Variants in CYP20A1 observed in about 807,000 individuals in gnomAD.
The protein encoded by CYP20A1 is cytochrome P450 family 20 subfamily A member 1.
A neutral mutation model predicts 61.4 loss-of-function variants in CYP20A1; 61 were observed. That is an observed-to-expected ratio of 0.99 (90% CI 0.81 to 1.23). The LOEUF (loss-of-function observed/expected upper bound fraction) is 1.23. CYP20A1 is among the 50% of genes most tolerant of loss of function. The probability of loss-of-function intolerance (pLI) is 0.00; values close to 1 mark genes in which losing one functional copy is unlikely to be tolerated. For missense variants in CYP20A1, 530 were observed against 542.4 expected, an observed-to-expected ratio of 0.98 and a Z score of 0.23; for synonymous variants, 193 against 188.2, an observed-to-expected ratio of 1.03 and a Z score of -0.21.
rs1295128489 is a variant in CYP20A1, at chr2:203,289,816, A to G, written c.1023A>G (p.Pro341=). 1.2e-6 allele frequency: 2 copies of G among 1,602,250 alleles called. No individual in the cohort carries two copies. Among genetic ancestry groups the G allele is most frequent in the East Asian group, 4.5e-5 (2 of 44,350 alleles). ...CTGTTCGAACTGCCAAACTGACTCC[A>G]GTTTCTGCCCAGCTTCAAGATATTG... ...CETVRTAKLT[P]VSAQLQDIEG... The change falls in exon 10 of 13, where the codon CCA becomes CCG. Residue 341 remains proline (P), a synonymous_variant. Coordinates refer to ENST00000356079, the MANE Select transcript of CYP20A1 (RefSeq NM_177538.3).
Position 203,299,106 on chromosome 2 carries a change from C to T in CYP20A1, c.*2198C>T, listed in dbSNP as rs1344328639. Among the ~76,000 whole-genome samples the T allele has an allele frequency of 3.3e-5, 5 of 152,178 alleles. No homozygotes were observed. The highest frequency in any genetic ancestry group is 5.9e-5 in the Non-Finnish European group (4 of 68,008). Reference sequence around the variant, plus strand: ...GCACTTATAAATTTTATATATAATACTTTACTGATAGCATTGTATATTAGT... The same window carrying T: ...GCACTTATAAATTTTATATATAATATTTTACTGATAGCATTGTATATTAGT... On this transcript the variant is annotated 3_prime_UTR_variant, in exon 13 of 13. Coordinates refer to ENST00000356079, the MANE Select transcript of CYP20A1 (RefSeq NM_177538.3).
chr2:203,252,024 G>C lies in CYP20A1; in HGVS notation c.347G>C (p.Ser116Thr). The C allele has an allele frequency of 1.9e-6, 3 of 1,611,108 alleles. No homozygotes were observed. The highest frequency in any genetic ancestry group is 3.4e-5 in the Admixed American group (2 of 59,676). Residue 116 changes from serine to threonine, a missense_variant, in exon 4 of 13, where the codon AGT becomes ACT. Transcript: ENST00000356079. Reference sequence around the variant, plus strand: ...TTAAGGTATCAATCTGGTGGTGGCAGTGTGAGTGAAAACCACATGAGGAAA... The same window carrying C: ...TTAAGGTATCAATCTGGTGGTGGCACTGTGAGTGAAAACCACATGAGGAAA... ...SLLRYQSGGG[S>T]VSENHMRKKL...
rs1403628467 is a variant in CYP20A1 at position 203,302,850 on chromosome 2, A to C, written c.*5942A>C. Among the ~76,000 whole-genome samples the C allele has an allele frequency of 6.6e-6, 1 of 151,442 alleles. No homozygotes were observed. The highest frequency in any genetic ancestry group is 1.9e-4 in the East Asian group (1 of 5,158). ...TGGGGTTACAGGCGCGTGCCATCACACCCAGCTCATTTTTGTATTTTTAGT... is the reference window on the plus strand; with the variant it reads ...TGGGGTTACAGGCGCGTGCCATCACCCCCAGCTCATTTTTGTATTTTTAGT... On this transcript the variant is annotated 3_prime_UTR_variant, in exon 13 of 13. Coordinates refer to ENST00000356079, the MANE Select transcript of CYP20A1 (RefSeq NM_177538.3).
At chr2:203,274,204 G>GAGAC (rs2067721145) in intron 6 of CYP20A1, among the ~76,000 whole-genome samples, 1 of 104,310 alleles carries the variant, frequency 9.6e-6, no homozygotes, top group Non-Finnish European at 2.0e-5. Context: ...TTTTTTTTTT[G>GAGAC]AGACAGAGTC....
chr2:203,289,969 T>C (rs2068464673), intron 10 of CYP20A1, 93 bp downstream of exon 10: 1 of 464,924 alleles, frequency 2.2e-6, no homozygotes, highest in African/African-American at 2.0e-5. Flanking sequence ...AGACAGAGGT[T>C]TGCTCTTGTC....
intron 3 of CYP20A1, among the ~76,000 whole-genome samples, chr2:203,250,029 T>G (rs995801571): frequency 3.3e-5 from 5 of 152,232 alleles, no homozygotes; most frequent in African/African-American, 1.2e-4. Context: ...GATGAGGGAA[T>G]GGGAAATCAT....
intron 1 of CYP20A1, among the ~76,000 whole-genome samples, 176 bp downstream of exon 1, chr2:203,239,310 G>C (rs972379835): frequency 3.9e-5 from 6 of 152,204 alleles, no homozygotes; most frequent in African/African-American, 1.4e-4. Context: ...CGCCCCTCCC[G>C]GCAAGCTCTG....
At chr2:203,287,645 G>A (rs1038607804) in intron 9 of CYP20A1, among the ~76,000 whole-genome samples, 1 of 152,152 alleles carries the variant, frequency 6.6e-6, no homozygotes, top group Admixed American at 6.6e-5. Flanking sequence ...GGTTGAGGCT[G>A]CAGCATGATA....
At chr2:203,262,369 T>C (rs1425834918) in intron 4 of CYP20A1, among the ~76,000 whole-genome samples, 1 of 152,164 alleles carries the variant, frequency 6.6e-6, no homozygotes, top group African/African-American at 2.4e-5. Context: ...GCAAGTCTAT[T>C]AACAGCGAGG....
At position 203,285,632 on chromosome 2, in the gene CYP20A1, T is replaced by C. The variant is rs1230424177; in HGVS notation, c.871T>C (p.Phe291Leu). ...TAKLCTWAIC[F>L]LTTSEEVQKK... ...CCTAGTGTGTACCTGGGCAATCTGT[T>C]TTTTAACCACCTCTGAAGAAGTTCA... Residue 291 changes from phenylalanine to leucine, a missense_variant, in exon 9 of 13, where the codon TTT (phenylalanine) becomes CTT (leucine). By Grantham distance (22) the Phe-to-Leu change is conservative. Coordinates refer to ENST00000356079, the MANE Select transcript of CYP20A1 (RefSeq NM_177538.3). 1 of 1,593,062 alleles carries C rather than the reference T, an allele frequency of 6.3e-7. No individual in the cohort carries two copies. The highest frequency in any genetic ancestry group is 8.5e-7 in the Non-Finnish European group (1 of 1,174,952).
chr2:203,274,054 T>C (rs974362993), intron 6 of CYP20A1, among the ~76,000 whole-genome samples: 22 of 152,312 alleles, frequency 1.4e-4, no homozygotes, highest in African/African-American at 4.8e-4. Context: ...CTTTATACAA[T>C]TTACACAGAA....
intron 12 of CYP20A1, 82 bp downstream of exon 12, chr2:203,296,645 T>TA (rs1313061863): frequency 4.3e-6 from 6 of 1,397,950 alleles, no homozygotes; most frequent in Non-Finnish European, 5.8e-6. Context: ...ATGATTAAAG[T>TA]ATTATTTTTT....
Position 203,304,422 on chromosome 2 carries a change from C to T in CYP20A1, c.*7514C>T, listed in dbSNP as rs2069145889. ...CCATGTTAGCCAGGATGGTCTTGATCTCCTGACCTTGTGATCTGTCCACCG... is the reference window on the plus strand; with the variant it reads ...CCATGTTAGCCAGGATGGTCTTGATTTCCTGACCTTGTGATCTGTCCACCG... On this transcript the variant is annotated 3_prime_UTR_variant, in exon 13 of 13. Transcript: ENST00000356079. Among the ~76,000 whole-genome samples the T allele has an allele frequency of 6.6e-6, 1 of 152,148 alleles. No homozygotes were observed. The highest frequency in any genetic ancestry group is 1.5e-5 in the Non-Finnish European group (1 of 68,036).
chr2:203,249,048 A>C (rs557818165), intron 3 of CYP20A1, among the ~76,000 whole-genome samples: 2 of 152,326 alleles, frequency 1.3e-5, no homozygotes, highest in African/African-American at 4.8e-5. Flanking sequence ...ATTCTAGATG[A>C]TTAAAATATC....
chr2:203,285,161 T>G (rs531511807), intron 8 of CYP20A1, among the ~76,000 whole-genome samples: 1 of 152,162 alleles, frequency 6.6e-6, no homozygotes, highest in Admixed American at 6.6e-5. Context: ...AGAATATTGA[T>G]TTATCGATAA....
rs1412980276 is a variant in CYP20A1 at position 203,297,268 on chromosome 2, T to G, written c.*360T>G. 3 of 181,994 alleles carry G rather than the reference T, an allele frequency of 1.6e-5. No homozygotes were observed. The highest frequency in any genetic ancestry group is 5.7e-5 in the Admixed American group (1 of 17,654). 11.3% of individuals were successfully genotyped at this position (181,994 alleles called of 1,614,324 possible). ...GTTGGGGAATCATGTTTGTTGAATATGTATAAAATAGAAACATAGGCTGGG... is the reference window on the plus strand; with the variant it reads ...GTTGGGGAATCATGTTTGTTGAATAGGTATAAAATAGAAACATAGGCTGGG... On this transcript the variant is annotated 3_prime_UTR_variant, in exon 13 of 13. Transcript: ENST00000356079.
rs2068921184 is a variant in CYP20A1, at chr2:203,298,999, C to T, written c.*2091C>T. On this transcript the variant is annotated 3_prime_UTR_variant, in exon 13 of 13. Coordinates refer to ENST00000356079, the MANE Select transcript of CYP20A1 (RefSeq NM_177538.3). ...GCAGTGAGCTGATGTTGTGCTAGTG[C>T]ACTCCAGCCTGGGCGACAGGGCTGA... 6.6e-6 allele frequency among the ~76,000 whole-genome samples: 1 copy of T among 152,066 alleles called. No homozygotes were observed. Among genetic ancestry groups the T allele is most frequent in the Non-Finnish European group, 1.5e-5 (1 of 68,002 alleles).
intron 5 of CYP20A1, among the ~76,000 whole-genome samples, chr2:203,271,054 GTATATATATA>G (rs869253470): frequency 7.4e-5 from 3 of 40,278 alleles, no homozygotes; most frequent in African/African-American, 2.7e-4. Flanking sequence ...ATGTATATGT[GTATATATATA>G]TATATATATA....
chr2:203,285,306 T>C (rs1243597901), intron 8 of CYP20A1, among the ~76,000 whole-genome samples: 4 of 152,178 alleles, frequency 2.6e-5, no homozygotes, highest in Non-Finnish European at 5.9e-5. Context: ...ATATGATATT[T>C]ATTTATTATC....
Sources: gnomAD v4.1 joint callset for allele counts (sites outside exome capture counted in the v4.1 genomes callset) on GRCh38, gnomAD v4.1.1 for gene constraint, MANE v1.5 for transcripts, NCBI Gene and HGNC (gene_info 2026-07-23, HGNC 2026-07-21) for gene names.